Variants in LZTS2 observed in about 807,000 individuals in gnomAD.
LZTS2 encodes leucine zipper putative tumor suppressor 2.
LZTS2 carries 32 observed loss-of-function variants against 60.6 expected under a neutral mutation model. That is an observed-to-expected ratio of 0.53 (90% CI 0.40 to 0.71). The LOEUF is 0.71. Ranked by LOEUF, LZTS2 falls within the 30% of genes least tolerant of loss-of-function variation. The pLI is 0.00. For synonymous variants in LZTS2, 360 were observed against 393.1 expected, an observed-to-expected ratio of 0.92 and a Z score of 1.00; for missense variants, 792 against 901.9, an observed-to-expected ratio of 0.88 and a Z score of 1.56.
rs147628187 is a variant in LZTS2 at position 101,006,582 on chromosome 10, G to A, written c.1424G>A (p.Arg475Gln). Residue 475 changes from arginine (R) to glutamine (Q), a missense_variant, in exon 4 of 4, where the codon CGG becomes CAG. By Grantham distance (43) the Arg-to-Gln change is conservative. Transcript: ENST00000370220. Reference sequence around the variant, plus strand: ...AAGGGCAGCGAGCTGGTGGCTCTGCGGGTGGCGCTGCGGGAGGCCCGTGCT... The same window carrying A: ...AAGGGCAGCGAGCTGGTGGCTCTGCAGGTGGCGCTGCGGGAGGCCCGTGCT... 72 of 1,609,852 alleles carry A rather than the reference G, an allele frequency of 4.5e-5. No individual in the cohort carries two copies. Among genetic ancestry groups the A allele is most frequent in the Non-Finnish European group, 5.4e-5 (64 of 1,179,016 alleles).
chr10:101,002,892 C>T, exon 1 of LZTS2: 2 of 1,613,692 alleles, frequency 1.2e-6, no homozygotes, highest in Non-Finnish European at 1.7e-6. Flanking sequence ...CACACAATGC[C>T]CACCTCCGCG....
chr10:101,003,241 C>T (rs763806978), intron 1 of LZTS2: 4 of 525,032 alleles, frequency 7.6e-6, no homozygotes, highest in African/African-American at 1.9e-5. Flanking sequence ...ACCAGTTATA[C>T]GTTTGACTTT....
exon 4 of LZTS2, chr10:101,007,503 G>A (rs41291478): frequency 0.019 from 26,148 of 1,378,994 alleles, 297 homozygotes; most frequent in Non-Finnish European, 0.022. Context: ...AGAAGAAGGG[G>A]CTCCCTCCTC....
exon 4 of LZTS2, chr10:101,007,030 G>T: frequency 6.3e-7 from 1 of 1,587,040 alleles, no homozygotes; most frequent in Non-Finnish European, 8.6e-7. Flanking sequence ...ACATCCAGAT[G>T]TACCGGCGCA....
At chr10:101,006,211 G>A (rs1404614352) in intron 3 of LZTS2, among the ~76,000 whole-genome samples, 1 of 152,162 alleles carries the variant, frequency 6.6e-6, no homozygotes, top group Non-Finnish European at 1.5e-5. Context: ...CCAGTCCCCA[G>A]TCCCCAGTCC....
At chr10:101,007,465 C>T in exon 4 of LZTS2, 3 of 1,444,876 alleles carry the variant, frequency 2.1e-6, no homozygotes, top group South Asian at 1.2e-5. Flanking sequence ...CAGGCGCTTC[C>T]AGCCCACTCC....
exon 2 of LZTS2, chr10:101,003,778 G>A: frequency 1.9e-6 from 3 of 1,613,132 alleles, no homozygotes; most frequent in Non-Finnish European, 2.5e-6. Context: ...TCACTGTCCA[G>A]CCTGCCCACC....
exon 4 of LZTS2, chr10:101,007,436 C>G: frequency 6.9e-7 from 1 of 1,451,906 alleles, no homozygotes; most frequent in Non-Finnish European, 9.1e-7. Flanking sequence ...GCTGCCAGTG[C>G]CACTGCCAAC....
At chr10:101,002,307 C>T (rs1471440432) in exon 1 of LZTS2, 1 of 431,052 alleles carries the variant, frequency 2.3e-6, no homozygotes, top group Non-Finnish European at 4.0e-6. Flanking sequence ...CTCCTCAGCC[C>T]TGTTCAGACC....
exon 4 of LZTS2, chr10:101,006,678 A>G: frequency 6.3e-7 from 1 of 1,593,670 alleles, no homozygotes; most frequent in South Asian, 1.1e-5. Context: ...CTGGAGCTGG[A>G]AGCCTGTTCC....
exon 4 of LZTS2, chr10:101,006,698 C>A: frequency 6.3e-7 from 1 of 1,599,456 alleles, no homozygotes; most frequent in Non-Finnish European, 8.5e-7. Context: ...CCAGGAGCTG[C>A]AGCGACACCG....
chr10:101,001,448 C>G (rs1167684512), exon 1 of LZTS2: 1 of 152,250 alleles, frequency 6.6e-6, no homozygotes, highest in Non-Finnish European at 1.5e-5. Context: ...TGTAGTCACA[C>G]AACAAATAAC....
chr10:101,007,011 A>G lies in LZTS2; in HGVS notation c.1853A>G (p.Gln618Arg), dbSNP rs1193526112. The G allele has an allele frequency of 6.4e-7, 1 of 1,572,786 alleles. No individual in the cohort carries two copies. Among genetic ancestry groups the G allele is most frequent in the South Asian group, 1.2e-5 (1 of 86,128 alleles). ...GTGATCCGCTACCAGAAGCAGCTGCAGCACAACTACATCCAGATGTACCGG... is the reference window on the plus strand; with the variant it reads ...GTGATCCGCTACCAGAAGCAGCTGCGGCACAACTACATCCAGATGTACCGG... Residue 618 changes from glutamine to arginine, a missense_variant, in exon 4 of 4, where the codon CAG becomes CGG. Physicochemically the swap from Gln to Arg is conservative, Grantham distance 43. Coordinates refer to ENST00000370220, the Ensembl canonical transcript of LZTS2.
At position 101,002,899 on chromosome 10, in the gene LZTS2, C is replaced by T. The variant is rs142237996; in HGVS notation, c.361C>T (p.Arg121Cys). The change falls in exon 1 of 4, where the codon CGC (arginine) becomes TGC (cysteine). Residue 121 changes from arginine (R) to cysteine (C), a missense_variant. By Grantham distance (180) the Arg-to-Cys change is radical. Transcript: ENST00000370220. The stretch of plus-strand genomic sequence containing the variant: ...GCAGCGGGCACACAATGCCCACCTC[C>T]GCGGCCCACCACCAAAGCTCATCCC... The T allele has an allele frequency of 2.2e-5, 35 of 1,613,482 alleles. No homozygotes were observed. Among genetic ancestry groups the T allele is most frequent in the South Asian group, 1.3e-4 (12 of 91,074 alleles).
At chr10:101,007,642 C>A in exon 4 of LZTS2, 1 of 1,166,022 alleles carries the variant, frequency 8.6e-7, no homozygotes, top group Non-Finnish European at 1.1e-6. Context: ...TGCAGCCTCT[C>A]TCCTGGAGTG....
exon 1 of LZTS2, chr10:101,001,006 A>G (rs1852023824): frequency 6.6e-6 from 1 of 152,208 alleles, no homozygotes; most frequent in Non-Finnish European, 1.5e-5. Context: ...GGAGTTAGAT[A>G]ATGTCCCACC....
chr10:100,999,777 C>G (rs1293988966), exon 1 of LZTS2: 1 of 150,618 alleles, frequency 6.6e-6, no homozygotes, highest in Non-Finnish European at 1.5e-5. Flanking sequence ...CGGGGGCTGG[C>G]CAGGGCCGGG....
rs1852059108 is a variant in LZTS2, at chr10:101,002,417, AAGG to A, written c.-118_-116del. Reference sequence around the variant, plus strand: ...GGGATCAGGGCTTGTTACTGATGTCAAGGAGGTGTTTGGTCAGGATCAGTGGGT... The same window carrying A: ...GGGATCAGGGCTTGTTACTGATGTCAAGGTGTTTGGTCAGGATCAGTGGGT... On this transcript the variant is annotated 5_prime_UTR_variant, in exon 1 of 4. Transcript: ENST00000370220. 3.3e-6 allele frequency: 3 copies of A among 896,676 alleles called. No individual in the cohort carries two copies. In the South Asian group the frequency reaches 6.8e-5, roughly 20 times the overall value. 55.5% of individuals were successfully genotyped at this position (896,676 alleles called of 1,614,324 possible).
chr10:101,000,082 G>A (rs1181997367), exon 1 of LZTS2: 3 of 152,356 alleles, frequency 2.0e-5, no homozygotes, highest in Non-Finnish European at 4.4e-5. Flanking sequence ...TGGAGAATGG[G>A]TCAGGGGCTC....
Sources: gnomAD v4.1 joint callset for allele counts (sites outside exome capture counted in the v4.1 genomes callset) on GRCh38, gnomAD v4.1.1 for gene constraint, MANE v1.5 for transcripts, NCBI Gene and HGNC (gene_info 2026-07-23, HGNC 2026-07-21) for gene names.